Variants in BPGM observed in about 807,000 individuals in gnomAD.
The protein encoded by BPGM is 2,3-bisphosphoglycerate mutase, erythrocyte.
Under a neutral mutation model 21.6 loss-of-function variants are expected in BPGM, and 15 were observed. The observed-to-expected ratio is 0.70, with a 90% confidence interval of 0.47 to 1.07. The LOEUF is 1.07. Ranked by LOEUF, BPGM falls within the 50% of genes least tolerant of loss-of-function variation. The pLI, the probability that BPGM is intolerant of heterozygous loss-of-function variation, is 0.00. For missense variants in BPGM, 273 were observed against 319.0 expected, an observed-to-expected ratio of 0.86 and a Z score of 1.10; for synonymous variants, 113 against 116.2, an observed-to-expected ratio of 0.97 and a Z score of 0.18.
intron 2 of BPGM, among the ~76,000 whole-genome samples, chr7:134,666,742 T>A (rs1011601041): frequency 6.6e-6 from 1 of 152,240 alleles, no homozygotes; most frequent in Admixed American, 6.5e-5. Flanking sequence ...ATAGGCTGGA[T>A]TGGATTTCAG....
chr7:134,670,278 A>G (rs1258184801), intron 2 of BPGM, among the ~76,000 whole-genome samples: 2 of 151,984 alleles, frequency 1.3e-5, no homozygotes, highest in Non-Finnish European at 2.9e-5. Flanking sequence ...AAAATTAGAG[A>G]CTCAGGGAGG....
rs1799440091 is a variant in BPGM at position 134,678,904 on chromosome 7, T to C, written c.653T>C (p.Ile218Thr). The stretch of plus-strand genomic sequence containing the variant: ...ATTACTCTTCCTACTGGAGTCCCCA[T>C]TCTTCTGGAATTGGATGAAAACCTG... ...INITLPTGVP[I>T]LLELDENLRA... is the part of the protein sequence containing the mutation. Residue 218 changes from isoleucine to threonine, a missense_variant, in exon 3 of 3, where the codon ATT becomes ACT. Physicochemically the swap from Ile to Thr is moderately conservative, Grantham distance 89. Coordinates refer to ENST00000344924, the MANE Select transcript of BPGM (RefSeq NM_001724.5). 1.9e-6 allele frequency: 3 copies of C among 1,614,020 alleles called. No individual in the cohort carries two copies. Among genetic ancestry groups the C allele is most frequent in the African/African-American group, 1.3e-5 (1 of 74,938 alleles).
intron 2 of BPGM, 54 bp from the exon 3 acceptor site, chr7:134,678,799 A>G: frequency 6.6e-7 from 1 of 1,523,182 alleles, no homozygotes; most frequent in Non-Finnish European, 9.1e-7. Flanking sequence ...ATTAAACAGA[A>G]CTTCCTCCTG....
chr7:134,648,009 G>C (rs545991003), intron 1 of BPGM, among the ~76,000 whole-genome samples: 20 of 151,898 alleles, frequency 1.3e-4, no homozygotes, highest in Non-Finnish European at 2.4e-4. Flanking sequence ...TGTTGGCCAG[G>C]GTGGTCTTGA....
intron 1 of BPGM, among the ~76,000 whole-genome samples, chr7:134,647,832 C>T (rs554706316): frequency 1.2e-4 from 19 of 152,150 alleles, no homozygotes; most frequent in African/African-American, 3.4e-4. Flanking sequence ...CTCGCTCTGT[C>T]GCCCAGGCTG....
At chr7:134,659,942 A>G (rs1043227298) in intron 1 of BPGM, among the ~76,000 whole-genome samples, 3 of 152,214 alleles carry the variant, frequency 2.0e-5, no homozygotes, top group Admixed American at 6.5e-5. Context: ...ATGAAAAAAC[A>G]TAAGTAACAA....
chr7:134,658,852 C>G (rs1795682020), intron 1 of BPGM, among the ~76,000 whole-genome samples: 1 of 148,146 alleles, frequency 6.8e-6, no homozygotes, highest in Non-Finnish European at 1.5e-5. Context: ...GTTTTTGTGA[C>G]TGCAGTACTG....
rs764374755 is a variant in BPGM at position 134,662,091 on chromosome 7, T to A, written c.584T>A (p.Leu195His). The A allele has an allele frequency of 7.4e-6, 12 of 1,614,130 alleles. No homozygotes were observed. In the South Asian group the frequency reaches 8.8e-5, roughly 12 times the overall value. ...GCTCATGGAAATAGCAGTAGGGCAC[T>A]CCTAAAACACCTGGAAGGTACCAGC... ...ISAHGNSSRA[L>H]LKHLEGISDE... The change falls in exon 2 of 3, where the codon CTC becomes CAC. Residue 195 changes from leucine (L) to histidine (H), a missense_variant. Coordinates refer to ENST00000344924, the MANE Select transcript of BPGM (RefSeq NM_001724.5).
chr7:134,650,794 G>A lies in BPGM; in HGVS notation c.-62+3857G>A, dbSNP rs536199847. On this transcript the variant is annotated intron_variant, in intron 1 of 2. Transcript: ENST00000344924. ...AAAAAAATTAGCCGGGCGTGGTGAC[G>A]GTCACCTGTGGTCCCCGCTACTCAG... Among the ~76,000 whole-genome samples the A allele has an allele frequency of 2.0e-3, 311 of 152,266 alleles. 2 individuals carry two copies. Among genetic ancestry groups the A allele is most frequent in the Non-Finnish European group, 2.2e-3 (152 of 68,024 alleles).
intron 2 of BPGM, among the ~76,000 whole-genome samples, chr7:134,673,836 CAT>C (rs1050841498): frequency 2.0e-5 from 3 of 151,456 alleles, no homozygotes; most frequent in African/African-American, 4.8e-5. Flanking sequence ...TAAAAAGGTC[CAT>C]TTTTACTGCC....
At position 134,648,117 on chromosome 7, in the gene BPGM, C is replaced by CT. The variant is rs1420837519; in HGVS notation, c.-62+1183dup. Among the ~76,000 whole-genome samples, 431 of 139,614 alleles carry CT rather than the reference C, an allele frequency of 3.1e-3. 7 individuals carry two copies. In the South Asian group the frequency reaches 0.044, roughly 14 times the overall value. 91.6% of individuals were successfully genotyped at this position (139,614 alleles called of 152,430 possible). On this transcript the variant is annotated intron_variant, in intron 1 of 2. Coordinates refer to ENST00000344924, the MANE Select transcript of BPGM (RefSeq NM_001724.5). Reference sequence around the variant, plus strand: ...CTGGCCTTGTCTTTTTTCTTTCTTTCTTTCTTTTGTTTTGGTTTTTTTTTT... The same window carrying CT: ...CTGGCCTTGTCTTTTTTCTTTCTTTCTTTTCTTTTGTTTTGGTTTTTTTTTT...
At chr7:134,671,642 G>T (rs1795906801) in intron 2 of BPGM, among the ~76,000 whole-genome samples, 2 of 152,182 alleles carry the variant, frequency 1.3e-5, no homozygotes, top group Admixed American at 1.3e-4. Context: ...GGGATTATGG[G>T]CATGAGCCAC....
chr7:134,671,985 A>G (rs1266362847), intron 2 of BPGM, among the ~76,000 whole-genome samples: 3 of 152,152 alleles, frequency 2.0e-5, no homozygotes, highest in African/African-American at 7.2e-5. Context: ...CAGTGTACAT[A>G]ACAGTTTGTC....
At chr7:134,655,067 T>G (rs1002519883) in intron 1 of BPGM, among the ~76,000 whole-genome samples, 2 of 152,182 alleles carry the variant, frequency 1.3e-5, no homozygotes, top group African/African-American at 2.4e-5. Context: ...AATTATTGAT[T>G]AAAATCGGTA....
rs1346500429 is a variant in BPGM at position 134,679,029 on chromosome 7, T to A, written c.778T>A (p.Ter260LysextTer7). The change falls in exon 3 of 3, where the codon TAG becomes AAG. Residue 260 changes from the stop codon to lysine, a stop_lost. Transcript: ENST00000344924. ...DQGKVKQAKK[*>K] ...AGGAAAAGTGAAACAAGCTAAAAAA[T>A]AGTCTTTCTCAACTGTTGGCTAAGA... 6.2e-7 allele frequency: 1 copy of A among 1,614,044 alleles called. No homozygotes were observed.
At chr7:134,660,268 G>A (rs1201136780) in intron 1 of BPGM, among the ~76,000 whole-genome samples, 2 of 152,186 alleles carry the variant, frequency 1.3e-5, no homozygotes, top group African/African-American at 4.8e-5. Context: ...AAGTGGGAGA[G>A]AAAATCTCCA....
intron 2 of BPGM, among the ~76,000 whole-genome samples, chr7:134,674,103 G>C (rs780054672): frequency 1.3e-5 from 2 of 151,964 alleles, no homozygotes; most frequent in Middle Eastern, 6.8e-3. Flanking sequence ...AGTAGAGACA[G>C]GGTTTCACCA....
chr7:134,648,132 G>GCCT (rs1562965518), intron 1 of BPGM, among the ~76,000 whole-genome samples: 1 of 144,192 alleles, frequency 6.9e-6, no homozygotes. Context: ...TTTTGTTTTG[G>GCCT]TTTTTTTTTT....
rs1220771016 is a variant in BPGM, at chr7:134,679,782, C to G, written c.*751C>G. ...TGTAATTAGTTTAAAAATAAAGTTC[C>G]TGATAATAAAGTGACTGAAAATGGC... On this transcript the variant is annotated 3_prime_UTR_variant, in exon 3 of 3. Coordinates refer to ENST00000344924, the MANE Select transcript of BPGM (RefSeq NM_001724.5). 6.6e-6 allele frequency: 1 copy of G among 152,070 alleles called. No homozygotes were observed. The highest frequency in any genetic ancestry group is 2.4e-5 in the African/African-American group (1 of 41,402). The allele number at this position is 152,070 out of a possible 1,614,324, so 9.4% of individuals were successfully genotyped here.
Sources: allele counts gnomAD v4.1 joint callset (sites outside exome capture counted in the v4.1 genomes callset), GRCh38; gene constraint gnomAD v4.1.1; transcripts MANE v1.5; gene names NCBI Gene and HGNC (gene_info 2026-07-23, HGNC 2026-07-21).